The following FLNB variants were observed in gnomAD, a reference collection of about 807,000 sequenced individuals.
FLNB encodes filamin B.
FLNB carries 111 observed loss-of-function variants against 250.6 expected under a neutral mutation model. That is an observed-to-expected ratio of 0.44 (90% CI 0.38 to 0.52). The LOEUF is 0.52. FLNB is among the 20% of genes least tolerant of loss of function. The pLI is 0.00. For synonymous variants in FLNB, 1,302 were observed against 1,372.1 expected (o/e 0.95, Z 1.13); for missense variants, 2,869 against 3,447.8 (o/e 0.83, Z 4.20).
intron 1 of FLNB, among the ~76,000 whole-genome samples, chr3:58,075,994 G>T (rs1191088902): frequency 6.6e-6 from 1 of 152,144 alleles, no homozygotes; most frequent in Non-Finnish European, 1.5e-5. Flanking sequence ...CTGGCCAGGG[G>T]CATGGCATGG....
chr3:58,067,693 T>G (rs1441179274), intron 1 of FLNB, among the ~76,000 whole-genome samples: 1 of 151,414 alleles, frequency 6.6e-6, no homozygotes, highest in East Asian at 1.9e-4. Context: ...GCCTCCCAGG[T>G]TCACGCCATT....
chr3:58,036,687 T>C (rs990653609), intron 1 of FLNB, among the ~76,000 whole-genome samples: 1 of 152,236 alleles, frequency 6.6e-6, no homozygotes, highest in Non-Finnish European at 1.5e-5. Flanking sequence ...AGCTAATTTG[T>C]TAGTCCTACA....
chr3:58,155,907 G>C (rs1280393739), intron 40 of FLNB, 53 bp from the exon 41 acceptor site: 1 of 1,258,880 alleles, frequency 7.9e-7, no homozygotes, highest in African/African-American at 1.5e-5. Flanking sequence ...AGAAGCAAGA[G>C]TCCACTCTGG....
At chr3:58,163,497 C>A in intron 43 of FLNB, 167 bp downstream of exon 43, 2 of 654,922 alleles carry the variant, frequency 3.1e-6, no homozygotes, top group Admixed American at 2.6e-5. Context: ...TTGGGAGTTG[C>A]GGTTTGACCC....
chr3:58,041,525 A>AACC (rs939462734), intron 1 of FLNB, among the ~76,000 whole-genome samples: 27 of 152,150 alleles, frequency 1.8e-4, no homozygotes, highest in Middle Eastern at 3.4e-3. Context: ...CCTCCCCACC[A>AACC]ACCACCACCA....
In FLNB at chr3:58,149,846, G is replaced by A. The variant is rs368476297; in HGVS notation, c.6092-4G>A. Reference sequence around the variant, plus strand: ...CAGAACAGCCTGGGGCTGCTGTGTTGCAGGTTATGGTGGCATATCCTTGGC... The same window carrying A: ...CAGAACAGCCTGGGGCTGCTGTGTTACAGGTTATGGTGGCATATCCTTGGC... On this transcript the variant is annotated splice_polypyrimidine_tract_variant and splice_region_variant and intron_variant, in intron 36 of 45. Coordinates refer to ENST00000295956, the MANE Select transcript of FLNB (RefSeq NM_001457.4). The A allele has an allele frequency of 5.0e-6, 8 of 1,614,138 alleles. No homozygotes were observed. The highest frequency in any genetic ancestry group is 4.0e-5 in the African/African-American group (3 of 74,948).
chr3:58,042,447 C>G (rs1263917574), intron 1 of FLNB, among the ~76,000 whole-genome samples: 3 of 151,060 alleles, frequency 2.0e-5, no homozygotes, highest in African/African-American at 7.3e-5. Context: ...TTCCTGGGCT[C>G]AGGTGATCCT....
intron 1 of FLNB, among the ~76,000 whole-genome samples, chr3:58,066,281 G>A (rs950643851): frequency 1.7e-4 from 26 of 149,324 alleles, no homozygotes; most frequent in Non-Finnish European, 1.5e-4. Context: ...GTGCAATGGC[G>A]AAATCTCGGC....
chr3:58,160,862 C>T (rs914918332), intron 42 of FLNB, among the ~76,000 whole-genome samples: 6 of 152,044 alleles, frequency 3.9e-5, no homozygotes, highest in African/African-American at 1.4e-4. Context: ...TGGCACACAC[C>T]TGTAGTCTAC....
chr3:58,081,750 C>G lies in FLNB; in HGVS notation c.761C>G (p.Pro254Arg). Residue 254 changes from proline (P) to arginine (R), a missense_variant, in exon 4 of 46, where the codon CCG becomes CGG. By Grantham distance (103) the Pro-to-Arg change is moderately radical. Coordinates refer to ENST00000295956, the MANE Select transcript of FLNB (RefSeq NM_001457.4). ...PGAPLKPKLN[P>R]KKARAYGRGI... ...GCTCCTCTCAAACCCAAACTCAACC[C>G]GAAGAAAGCCAGGGCCTATGGCAGA... is the stretch of plus-strand genomic sequence containing the variant. The G allele has an allele frequency of 6.2e-7, 1 of 1,614,074 alleles. No homozygotes were observed. The highest frequency in any genetic ancestry group is 8.5e-7 in the Non-Finnish European group (1 of 1,180,000).
Position 58,102,328 on chromosome 3 carries a change from A to G in FLNB, c.1471A>G (p.Met491Val), listed in dbSNP as rs2107082865. The G allele has an allele frequency of 6.2e-7, 1 of 1,612,580 alleles. No homozygotes were observed. The highest frequency in any genetic ancestry group is 1.3e-5 in the African/African-American group (1 of 74,464). The change falls in exon 9 of 46, where the codon ATG (methionine) becomes GTG (valine). Residue 491 changes from methionine (M) to valine (V), a missense_variant. This residue lies in a region of FLNB where 1,348 missense variants were observed against 1,466.7 expected (regional missense o/e 0.92). Transcript: ENST00000295956. Reference sequence around the variant, plus strand: ...AGGAAGTGGGGAGCTCGGTGTAACCATGAAGGGTCCTAGTAAGTGTTCCTT... The same window carrying G: ...AGGAAGTGGGGAGCTCGGTGTAACCGTGAAGGGTCCTAGTAAGTGTTCCTT... The part of the protein sequence containing the change: ...AAGSGELGVT[M>V]KGPKGLEELV...
rs1484296266 is a variant in FLNB, at chr3:58,151,727, A to G, written c.6367+1500A>G. On this transcript the variant is annotated intron_variant, in intron 38 of 45. Transcript: ENST00000295956. ...GAGATTCCATTTCATGTCTAGATGC[A>G]TCAACCTTCGTTACTCATCTCTGTG... Among the ~76,000 whole-genome samples, 3 of 152,262 alleles carry G rather than the reference A, an allele frequency of 2.0e-5. No homozygotes were observed. The East Asian group carries it at 5.8e-4, about 29-fold the overall frequency.
chr3:58,112,069 T>C (rs952109840), intron 17 of FLNB, 80 bp from the exon 18 acceptor site: 1 of 1,383,794 alleles, frequency 7.2e-7, no homozygotes, highest in Non-Finnish European at 1.0e-6. Flanking sequence ...GACCTGGTGC[T>C]GTTGAACCTG....
At chr3:58,055,551 G>GT (rs2097169200) in intron 1 of FLNB, among the ~76,000 whole-genome samples, 1 of 152,184 alleles carries the variant, frequency 6.6e-6, no homozygotes, top group South Asian at 2.1e-4. Flanking sequence ...AATGGGAACA[G>GT]TTTAAGATGA....
chr3:58,148,534 ACT>A, intron 35 of FLNB, 113 bp from the exon 36 acceptor site: 1 of 1,234,636 alleles, frequency 8.1e-7, no homozygotes. Flanking sequence ...TGATATCGAC[ACT>A]CTGGATTGTT....
chr3:58,088,522 C>A (rs889221455), intron 4 of FLNB, among the ~76,000 whole-genome samples: 7 of 152,276 alleles, frequency 4.6e-5, no homozygotes, highest in African/African-American at 1.2e-4. Flanking sequence ...GGCAGACCAA[C>A]CAGGGATCTT....
intron 1 of FLNB, among the ~76,000 whole-genome samples, chr3:58,017,741 A>G (rs1559638070): frequency 6.6e-6 from 1 of 152,208 alleles, no homozygotes; most frequent in African/African-American, 2.4e-5. Flanking sequence ...GATTTTACTT[A>G]TGCCCATTGT....
Position 58,100,371 on chromosome 3 carries a change from A to T in FLNB, c.1345+1463A>T, listed in dbSNP as rs867188451. On this transcript the variant is annotated intron_variant, in intron 8 of 45. Transcript: ENST00000295956. ...TAAATGATTTTACATATGTAAAAAA[A>T]AAATATATATATATTTGCAGGGGCG... Among the ~76,000 whole-genome samples the T allele has an allele frequency of 2.8e-3, 71 of 25,100 alleles. 1 individual carries two copies. Among genetic ancestry groups the T allele is most frequent in the African/African-American group, 0.021 (66 of 3,176 alleles). The allele number at this position is 25,100 out of a possible 152,430, so 16.5% of individuals were successfully genotyped here.
intron 4 of FLNB, among the ~76,000 whole-genome samples, chr3:58,085,147 A>T (rs2097215437): frequency 6.6e-6 from 1 of 152,236 alleles, no homozygotes; most frequent in South Asian, 2.1e-4. Flanking sequence ...ACATGGGTGT[A>T]CAAGTGCTGT....
Sources: allele counts gnomAD v4.1 joint callset (sites outside exome capture counted in the v4.1 genomes callset), GRCh38; gene constraint gnomAD v4.1.1; regional missense constraint gnomAD v4.1.1; transcripts MANE v1.5; gene names NCBI Gene and HGNC (gene_info 2026-07-23, HGNC 2026-07-21).